ACADM: variants seen among roughly 807,000 people sequenced by gnomAD.
The protein encoded by ACADM is acyl-CoA dehydrogenase medium chain.
A neutral mutation model predicts 58.9 loss-of-function variants in ACADM; 49 were observed. The ratio of observed to expected loss-of-function variants is 0.83; its 90% CI spans 0.66 to 1.06. The LOEUF is 1.06. ACADM is among the 50% of genes least tolerant of loss of function. The pLI is 0.00. For synonymous variants in ACADM, 160 were observed against 157.7 expected (o/e 1.01, Z -0.11); for missense variants, 496 against 507.0 (o/e 0.98, Z 0.21).
intron 2 of ACADM, among the ~76,000 whole-genome samples, chr1:75,731,223 G>A (rs1431970215): frequency 7.1e-6 from 1 of 140,304 alleles, no homozygotes; most frequent in African/African-American, 2.6e-5. Context: ...AGCTTGCAGT[G>A]AGCCTAGATT....
Position 75,728,435 on chromosome 1 carries a change from C to T in ACADM, c.65C>T (p.Ser22Leu). ...AGTATTTCTCGTTTTCATTGGAGAT[C>T]ACAGCATACAAAAGCCAATCGACAA... ...LRSISRFHWR[S>L]QHTKANRQRE... is the part of the protein sequence containing the mutation. The change falls in exon 2 of 12, where the codon TCA (serine) becomes TTA (leucine). Residue 22 changes from serine (S) to leucine (L), a missense_variant. Transcript: ENST00000370841. 6.2e-7 allele frequency: 1 copy of T among 1,613,472 alleles called. No individual in the cohort carries two copies. Among genetic ancestry groups the T allele is most frequent in the South Asian group, 1.1e-5 (1 of 91,046 alleles).
intron 8 of ACADM, among the ~76,000 whole-genome samples, chr1:75,748,776 CTG>C (rs1472959576): frequency 1.3e-5 from 2 of 152,150 alleles, no homozygotes. Context: ...CTAAAGTACT[CTG>C]TATCTTGAGC....
At chr1:75,752,874 G>A (rs1005366176) in intron 10 of ACADM, among the ~76,000 whole-genome samples, 1 of 152,082 alleles carries the variant, frequency 6.6e-6, no homozygotes, top group Non-Finnish European at 1.5e-5. Flanking sequence ...AGAGCATTAT[G>A]GAAGCATTTT....
intron 7 of ACADM, chr1:75,743,294 G>T (rs1647687802): frequency 9.5e-7 from 1 of 1,048,738 alleles, no homozygotes; most frequent in Admixed American, 2.3e-5. Flanking sequence ...ATAGTGCTCT[G>T]CTTCCTTGCT....
At chr1:75,741,013 G>C (rs1216396166) in intron 7 of ACADM, among the ~76,000 whole-genome samples, 1 of 152,182 alleles carries the variant, frequency 6.6e-6, no homozygotes, top group African/African-American at 2.4e-5. Flanking sequence ...ATTAATGAGT[G>C]AAAGTTAGAA....
chr1:75,743,986 G>A, intron 7 of ACADM: 1 of 1,563,874 alleles, frequency 6.4e-7, no homozygotes, highest in Admixed American at 1.7e-5. Context: ...TTTGTGCCGA[G>A]CCCTCATCTT....
intron 10 of ACADM, among the ~76,000 whole-genome samples, chr1:75,755,814 G>A (rs760893420): frequency 1.3e-5 from 2 of 152,218 alleles, no homozygotes; most frequent in African/African-American, 4.8e-5. Flanking sequence ...AAACTTCTCC[G>A]AGCTAAAGGA....
intron 10 of ACADM, among the ~76,000 whole-genome samples, chr1:75,756,262 A>C (rs570538050): frequency 6.6e-6 from 1 of 152,338 alleles, no homozygotes; most frequent in South Asian, 2.1e-4. Context: ...TTAGGAAAAG[A>C]GGAAGTCAAA....
In ACADM at chr1:75,728,563, T is replaced by A; in HGVS notation, c.118+75T>A. 4 of 1,150,976 alleles carry A rather than the reference T, an allele frequency of 3.5e-6. No individual in the cohort carries two copies. In the South Asian group the frequency reaches 4.9e-5, roughly 14 times the overall value. 71.3% of individuals were successfully genotyped at this position (1,150,976 alleles called of 1,614,324 possible). On this transcript the variant is annotated intron_variant, in intron 2 of 11. Transcript: ENST00000370841. Reference sequence around the variant, plus strand: ...TTATATGTTTTGTTTGGAATATGTTTGTAAATAAACTTAATAATGTCTTTC... The same window carrying A: ...TTATATGTTTTGTTTGGAATATGTTAGTAAATAAACTTAATAATGTCTTTC...
At chr1:75,753,103 T>C (rs886423325) in intron 10 of ACADM, among the ~76,000 whole-genome samples, 3 of 152,168 alleles carry the variant, frequency 2.0e-5, no homozygotes, top group East Asian at 1.9e-4. Flanking sequence ...AGTCCTTTTT[T>C]TTCTTGTTCT....
intron 2 of ACADM, among the ~76,000 whole-genome samples, chr1:75,729,616 C>T (rs529373099): frequency 2.7e-4 from 41 of 151,916 alleles, no homozygotes; most frequent in Non-Finnish European, 5.3e-4. Context: ...GCCCCAGCCT[C>T]CTGAGTAGCT....
chr1:75,727,480 G>A (rs1647074493), intron 1 of ACADM, among the ~76,000 whole-genome samples: 1 of 152,104 alleles, frequency 6.6e-6, no homozygotes, highest in African/African-American at 2.4e-5. Context: ...CTTTACTCAA[G>A]AACACCATTG....
chr1:75,744,221 G>A, intron 7 of ACADM: 1 of 1,577,728 alleles, frequency 6.3e-7, no homozygotes, highest in Non-Finnish European at 8.7e-7. Flanking sequence ...CGAGGGCACT[G>A]GTGGCATCGA....
intron 4 of ACADM, 115 bp downstream of exon 4, chr1:75,733,037 G>A: frequency 1.2e-6 from 2 of 1,613,170 alleles, no homozygotes; most frequent in Non-Finnish European, 1.7e-6. Flanking sequence ...TTCTACCTTT[G>A]TCTTCCTGCT....
intron 6 of ACADM, among the ~76,000 whole-genome samples, chr1:75,735,346 A>C (rs895559355): frequency 1.3e-5 from 2 of 148,970 alleles, no homozygotes; most frequent in African/African-American, 4.9e-5. Context: ...AAAAGGTGTC[A>C]TCATAATTTT....
At chr1:75,731,360 G>A (rs1208389322) in intron 2 of ACADM, among the ~76,000 whole-genome samples, 1 of 140,986 alleles carries the variant, frequency 7.1e-6, no homozygotes, top group East Asian at 2.3e-4. Context: ...TTTATGTATT[G>A]TTTCTCACAT....
In ACADM at chr1:75,734,808, T is replaced by G; in HGVS notation, c.405T>G (p.Ile135Met). The G allele has an allele frequency of 6.2e-7, 1 of 1,613,708 alleles. No individual in the cohort carries two copies. Among genetic ancestry groups the G allele is most frequent in the Non-Finnish European group, 8.5e-7 (1 of 1,179,680 alleles). ...GNSLGQMPII[I>M]AGNDQQKKKY... The stretch of plus-strand genomic sequence containing the variant: ...TTCGGTAGCAAATGCCTATTATTAT[T>G]GCTGGAAATGATCAACAAAAGAAGA... Residue 135 changes from isoleucine (I) to methionine (M), a missense_variant, in exon 6 of 12, where the codon ATT (isoleucine) becomes ATG (methionine). By Grantham distance (10) the Ile-to-Met change is conservative (BLOSUM62 1). Coordinates refer to ENST00000370841, the MANE Select transcript of ACADM (RefSeq NM_000016.6).
chr1:75,760,812 T>C (rs187023040), intron 10 of ACADM, among the ~76,000 whole-genome samples: 2 of 152,330 alleles, frequency 1.3e-5, no homozygotes, highest in Admixed American at 1.3e-4. Flanking sequence ...CCAGTGTTAA[T>C]GTCCTGTTCT....
At chr1:75,737,360 A>G (rs537524538) in intron 6 of ACADM, among the ~76,000 whole-genome samples, 17 of 140,314 alleles carry the variant, frequency 1.2e-4, no homozygotes, top group Non-Finnish European at 2.2e-4. Context: ...GACAAAAACA[A>G]CTCTGAGGAA....
Sources: gnomAD v4.1 joint callset for allele counts (sites outside exome capture counted in the v4.1 genomes callset) on GRCh38, gnomAD v4.1.1 for gene constraint, MANE v1.5 for transcripts, NCBI Gene and HGNC (gene_info 2026-07-23, HGNC 2026-07-21) for gene names.